PRDM10: variants seen among roughly 807,000 people sequenced by gnomAD.
The protein encoded by PRDM10 is PR/SET domain 10.
Under a neutral mutation model 133.1 loss-of-function variants are expected in PRDM10, and 65 were observed. The ratio of observed to expected loss-of-function variants is 0.49; its 90% confidence interval spans 0.40 to 0.60. PRDM10 has a LOEUF of 0.60. PRDM10 is among the 20% of genes least tolerant of loss of function. PRDM10 has a pLI of 0.00. For missense variants in PRDM10, 1,137 were observed against 1,507.1 expected, an observed-to-expected ratio of 0.75 and a Z score of 4.07; for synonymous variants, 582 against 580.4, an observed-to-expected ratio of 1.00 and a Z score of -0.04.
chr11:129,924,888 A>G lies in PRDM10; in HGVS notation c.1872T>C (p.Phe624=), dbSNP rs764923487. The change falls in exon 12 of 21, where the codon TTT becomes TTC. Residue 624 remains phenylalanine, a synonymous_variant. Coordinates refer to ENST00000360871, the MANE Select transcript of PRDM10 (RefSeq NM_199437.2). ...CTCAGTAGTAGACACTCACCTGGAT[A>G]AAATCTGGGAACCGTTTCTTACAAG... ...CPTCKKRFPD[F]IQVKKHVRSF... is the part of the protein sequence containing the mutation. The G allele has an allele frequency of 1.3e-6, 2 of 1,597,668 alleles. No homozygotes were observed. The highest frequency in any genetic ancestry group is 8.5e-7 in the Non-Finnish European group (1 of 1,172,428).
intron 11 of PRDM10, among the ~76,000 whole-genome samples, chr11:129,926,693 G>A (rs1160063058): frequency 1.3e-5 from 2 of 152,176 alleles, no homozygotes; most frequent in Non-Finnish European, 2.9e-5. Flanking sequence ...CTTATCTTGA[G>A]TAGATAAACA....
chr11:129,903,300 A>AAATAATAATAATAAT (rs55765531), intron 20 of PRDM10, among the ~76,000 whole-genome samples: 8,238 of 137,906 alleles, frequency 0.06, 287 homozygotes, highest in Middle Eastern at 0.071. Context: ...CTCCGTCTCA[A>AAATAATAATAATAAT]AATAATAATA....
At chr11:129,961,832 T>TACACATAAATGTGTGC (rs1165226750) in intron 1 of PRDM10, among the ~76,000 whole-genome samples, 1 of 152,210 alleles carries the variant, frequency 6.6e-6, no homozygotes, top group Non-Finnish European at 1.5e-5. Context: ...TATATTTGTG[T>TACACATAAATGTGTGC]ATACATAAAT....
intron 2 of PRDM10, among the ~76,000 whole-genome samples, chr11:129,959,005 A>G (rs1951747758): frequency 6.6e-6 from 1 of 152,236 alleles, no homozygotes; most frequent in Admixed American, 6.5e-5. Flanking sequence ...CAGATGGCCC[A>G]AGAACACATT....
intron 17 of PRDM10, among the ~76,000 whole-genome samples, chr11:129,913,649 C>T (rs1591582033): frequency 6.6e-6 from 1 of 152,070 alleles, no homozygotes; most frequent in African/African-American, 2.4e-5. Context: ...GAACAATGTA[C>T]CTATACATCA....
At position 129,947,358 on chromosome 11, in the gene PRDM10, C is replaced by T; in HGVS notation, c.307G>A (p.Val103Ile). ...DATAQQASLPVHNQVLPSIES... is the reference protein window; with the variant it reads ...DATAQQASLPIHNQVLPSIES... Reference sequence around the variant, plus strand: ...ATGGAAGGCAGCACCTGGTTATGAACTGGCAATGAGGCCTGGGCAAAAGTT... The same window carrying T: ...ATGGAAGGCAGCACCTGGTTATGAATTGGCAATGAGGCCTGGGCAAAAGTT... Residue 103 changes from valine to isoleucine, a missense_variant, in exon 5 of 21, where the codon GTT (valine) becomes ATT (isoleucine). Around this residue, in one of 6 missense-constraint regions of PRDM10, gnomAD observed 635 missense variants for 835.2 expected, o/e 0.76. Coordinates refer to ENST00000360871, the MANE Select transcript of PRDM10 (RefSeq NM_199437.2). This position sits in a 1 kb window ranked among gnomAD's most constrained non-coding sequence, Gnocchi z 4.6. 1 of 1,614,210 alleles carries T rather than the reference C, an allele frequency of 6.2e-7. No individual in the cohort carries two copies. Among genetic ancestry groups the T allele is most frequent in the South Asian group, 1.1e-5 (1 of 91,076 alleles).
chr11:129,910,733 G>C, intron 18 of PRDM10, 77 bp from the exon 19 acceptor site: 19 of 1,239,912 alleles, frequency 1.5e-5, no homozygotes, highest in Non-Finnish European at 2.0e-5. Context: ...ACTGAAGGAA[G>C]TACACCAGAC....
chr11:129,930,997 G>A lies in PRDM10; in HGVS notation c.1530+19C>T, dbSNP rs746297663. 6.9e-5 allele frequency: 109 copies of A among 1,580,782 alleles called. No individual in the cohort carries two copies. The highest frequency in any genetic ancestry group is 9.0e-5 in the Non-Finnish European group (105 of 1,163,072). On this transcript the variant is annotated intron_variant, in intron 11 of 20. Transcript: ENST00000360871. ...AGATGAGCGGCTGGTGCCAGGAGCC[G>A]CCGGCTTTCCCCACTTACTCGGATG...
In PRDM10 at chr11:129,942,476, G is replaced by T. The variant is rs776264016; in HGVS notation, c.916C>A (p.His306Asn). The change falls in exon 7 of 21, where the codon CAT becomes AAT. Residue 306 changes from histidine (H) to asparagine (N), a missense_variant. Around this residue, in one of 6 missense-constraint regions of PRDM10, gnomAD observed 635 missense variants for 835.2 expected, o/e 0.76. Transcript: ENST00000360871. Reference sequence around the variant, plus strand: ...TTTTTTATGGTTGTATAATACACATGGTGGCCATACTGGTAAGCCACCAGG... The same window carrying T: ...TTTTTTATGGTTGTATAATACACATTGTGGCCATACTGGTAAGCCACCAGG... ...QNLVAYQYGH[H>N]VYYTTIKNVE... The T allele has an allele frequency of 6.2e-7, 1 of 1,613,994 alleles. No individual in the cohort carries two copies. Among genetic ancestry groups the T allele is most frequent in the Non-Finnish European group, 8.5e-7 (1 of 1,180,012 alleles).
intron 14 of PRDM10, 43 bp from the exon 15 acceptor site, chr11:129,917,280 T>G: frequency 6.9e-7 from 1 of 1,449,094 alleles, no homozygotes; most frequent in Non-Finnish European, 9.6e-7. Flanking sequence ...GAGACCCCAT[T>G]AACCAAACAG....
intron 1 of PRDM10, among the ~76,000 whole-genome samples, chr11:129,990,789 C>CT (rs769672239): frequency 2.0e-5 from 3 of 152,124 alleles, no homozygotes; most frequent in African/African-American, 7.2e-5. Context: ...TTTTTCCTCA[C>CT]TTTTTTTTCA....
chr11:129,986,413 G>C (rs1268023301), intron 1 of PRDM10, among the ~76,000 whole-genome samples: 3 of 152,062 alleles, frequency 2.0e-5, no homozygotes, highest in African/African-American at 7.2e-5. Flanking sequence ...TTTCGAGACA[G>C]GGTCTCACTC....
chr11:129,915,089 T>A, intron 16 of PRDM10, 71 bp from the exon 17 acceptor site: 2 of 1,459,550 alleles, frequency 1.4e-6, no homozygotes, highest in East Asian at 4.6e-5. Context: ...CATATGTAAA[T>A]CCTCCAAAGA....
chr11:129,919,392 A>G (rs1263223773), intron 13 of PRDM10, among the ~76,000 whole-genome samples: 1 of 152,194 alleles, frequency 6.6e-6, no homozygotes, highest in Non-Finnish European at 1.5e-5. Context: ...TGTATACTCA[A>G]TTCCCACACC....
intron 1 of PRDM10, among the ~76,000 whole-genome samples, chr11:129,999,801 T>C (rs11221928): frequency 1.3e-5 from 2 of 152,296 alleles, no homozygotes; most frequent in East Asian, 3.9e-4. Context: ...TATAATTCTT[T>C]TAGTTCGGCG....
intron 1 of PRDM10, among the ~76,000 whole-genome samples, chr11:129,988,699 G>C (rs1000857457): frequency 6.6e-6 from 1 of 151,542 alleles, no homozygotes; most frequent in Non-Finnish European, 1.5e-5. Flanking sequence ...GTGCAATCTC[G>C]GCTCACTGCA....
Position 129,945,319 on chromosome 11 carries a change from A to G in PRDM10, c.521-307T>C, listed in dbSNP as rs1366768362. ...ACTAAATTTACAAATCAATTACAAC[A>G]TGTCTGAAGAGTAAAAAGAGCGTAT... On this transcript the variant is annotated intron_variant, in intron 5 of 20. Coordinates refer to ENST00000360871, the MANE Select transcript of PRDM10 (RefSeq NM_199437.2). The surrounding 1 kb of genome is among the most constrained non-coding windows in gnomAD (Gnocchi z 4.2). 6.6e-6 allele frequency among the ~76,000 whole-genome samples: 1 copy of G among 152,144 alleles called. No homozygotes were observed. Among genetic ancestry groups the G allele is most frequent in the East Asian group, 1.9e-4 (1 of 5,192 alleles).
At chr11:129,964,566 T>C (rs1951866353) in intron 1 of PRDM10, among the ~76,000 whole-genome samples, 1 of 152,254 alleles carries the variant, frequency 6.6e-6, no homozygotes, top group African/African-American at 2.4e-5. Context: ...CAAGGTAGCA[T>C]TTCTTCTATA....
intron 15 of PRDM10, among the ~76,000 whole-genome samples, chr11:129,916,679 C>T (rs1422611529): frequency 6.6e-6 from 1 of 152,170 alleles, no homozygotes; most frequent in East Asian, 1.9e-4. Context: ...AATATATATT[C>T]TGTGTCTTTT....
Sources: gnomAD v4.1 joint callset for allele counts (sites outside exome capture counted in the v4.1 genomes callset) on GRCh38, gnomAD v4.1.1 for gene constraint, gnomAD v4.1.1 regional missense constraint, Gnocchi (gnomAD v3.1) non-coding constraint, MANE v1.5 for transcripts, NCBI Gene and HGNC (gene_info 2026-07-23, HGNC 2026-07-21) for gene names.